The following CA10 variants were observed in gnomAD, a reference collection of about 807,000 sequenced individuals.
CA10 encodes carbonic anhydrase-related protein 10.
A neutral mutation model predicts 44.2 loss-of-function variants in CA10; 14 were observed. The observed-to-expected ratio is 0.32, with a 90% CI of 0.21 to 0.50. The LOEUF (loss-of-function observed/expected upper bound fraction) is 0.50, where lower values mean the gene tolerates loss of function less well. Ranked by LOEUF, CA10 falls within the 20% of genes least tolerant of loss-of-function variation. The probability of loss-of-function intolerance (pLI) is 0.99; values close to 1 mark genes in which losing one functional copy is unlikely to be tolerated. For missense variants in CA10, 350 were observed against 409.7 expected, an observed-to-expected ratio of 0.85 and a Z score of 1.26; for synonymous variants, 159 against 141.6, an observed-to-expected ratio of 1.12 and a Z score of -0.87.
chr17:52,103,886 T>C (rs1988597423), intron 1 of CA10, among the ~76,000 whole-genome samples: 5 of 152,316 alleles, frequency 3.3e-5, no homozygotes, highest in African/African-American at 1.2e-4. Flanking sequence ...ACACCTTAGA[T>C]GTTTCCACAT....
chr17:51,872,571 A>C (rs926484681), intron 3 of CA10, among the ~76,000 whole-genome samples: 1 of 152,228 alleles, frequency 6.6e-6, no homozygotes, highest in Non-Finnish European at 1.5e-5. Context: ...AATACATGTC[A>C]GAACTCCAAA....
intron 3 of CA10, among the ~76,000 whole-genome samples, chr17:51,892,776 T>C (rs1172259130): frequency 1.3e-5 from 2 of 152,174 alleles, no homozygotes; most frequent in Non-Finnish European, 2.9e-5. Context: ...TACTCCTTTC[T>C]TCCTGCTGGT....
chr17:52,017,416 G>C lies in CA10; in HGVS notation c.136+54903C>G, dbSNP rs1986002550. 3.3e-5 allele frequency among the ~76,000 whole-genome samples: 5 copies of C among 152,184 alleles called. No homozygotes were observed. In the South Asian group the frequency reaches 1.0e-3, roughly 32 times the overall value. ...TCATATGAAAATGAGGAAGTTATTGGGATCTGGAATAAAGTTTACCCATGT... is the reference window on the plus strand; with the variant it reads ...TCATATGAAAATGAGGAAGTTATTGCGATCTGGAATAAAGTTTACCCATGT... On this transcript the variant is annotated intron_variant, in intron 2 of 8. Transcript: ENST00000451037.
intron 3 of CA10, among the ~76,000 whole-genome samples, chr17:51,805,762 G>A (rs1446052512): frequency 6.6e-6 from 1 of 152,088 alleles, no homozygotes; most frequent in Non-Finnish European, 1.5e-5. Context: ...CCCATTTACA[G>A]TAACTCCCCA....
intron 4 of CA10, among the ~76,000 whole-genome samples, chr17:51,740,919 CT>C (rs1904433351): frequency 6.6e-6 from 1 of 152,170 alleles, no homozygotes; most frequent in Non-Finnish European, 1.5e-5. Flanking sequence ...TCTTGTTTTG[CT>C]CTAGTTCTCT....
intron 4 of CA10, among the ~76,000 whole-genome samples, chr17:51,665,353 T>G (rs1280446359): frequency 1.3e-5 from 2 of 152,214 alleles, no homozygotes; most frequent in Non-Finnish European, 2.9e-5. Flanking sequence ...ATGACAGCTC[T>G]GTCATTCAGT....
chr17:52,146,286 A>G (rs2143397415), intron 1 of CA10, among the ~76,000 whole-genome samples: 1 of 152,330 alleles, frequency 6.6e-6, no homozygotes, highest in Non-Finnish European at 1.5e-5. Context: ...CTGGCTGGGC[A>G]CTTTGGTTCA....
At chr17:51,978,781 C>A (rs1984550256) in intron 2 of CA10, among the ~76,000 whole-genome samples, 1 of 152,044 alleles carries the variant, frequency 6.6e-6, no homozygotes, top group South Asian at 2.1e-4. Flanking sequence ...CCAGCACCCA[C>A]CCCCACTTGT....
Position 51,836,061 on chromosome 17 carries a change from T to A in CA10, c.280-88243A>T, listed in dbSNP as rs562469286. Reference sequence around the variant, plus strand: ...AGAGAAGGAGGAACAGAAAAAAAAATTAAATAGGATGTAACAGATTTATAC... The same window carrying A: ...AGAGAAGGAGGAACAGAAAAAAAAAATAAATAGGATGTAACAGATTTATAC... On this transcript the variant is annotated intron_variant, in intron 3 of 8. Transcript: ENST00000451037. Among the ~76,000 whole-genome samples the A allele has an allele frequency of 1.6e-3, 240 of 152,072 alleles. 4 individuals carry two copies. The highest frequency in any genetic ancestry group is 5.6e-4 in the Non-Finnish European group (38 of 67,954).
chr17:52,052,922 T>G (rs1987118176), intron 2 of CA10, among the ~76,000 whole-genome samples: 1 of 151,818 alleles, frequency 6.6e-6, no homozygotes, highest in Admixed American at 6.6e-5. Context: ...TGTATGAGTA[T>G]GTGTGTGTGT....
At chr17:51,729,974 A>T (rs1916659406) in intron 4 of CA10, among the ~76,000 whole-genome samples, 1 of 152,210 alleles carries the variant, frequency 6.6e-6, no homozygotes, top group Non-Finnish European at 1.5e-5. Context: ...CAGATGAGTA[A>T]ACTGAGGCAG....
intron 3 of CA10, among the ~76,000 whole-genome samples, chr17:51,827,460 G>A (rs1043219881): frequency 6.6e-6 from 1 of 152,066 alleles, no homozygotes; most frequent in Non-Finnish European, 1.5e-5. Context: ...TAGAATTGAT[G>A]GAATATGATA....
intron 3 of CA10, among the ~76,000 whole-genome samples, chr17:51,854,866 A>C (rs9903912): frequency 0.21 from 31,232 of 152,090 alleles, 5,846 homozygotes; most frequent in African/African-American, 0.5. Context: ...CCAGTGCTTT[A>C]TCCAGCTCAG....
At chr17:51,756,028 T>G (rs1905065187) in intron 3 of CA10, among the ~76,000 whole-genome samples, 1 of 152,178 alleles carries the variant, frequency 6.6e-6, no homozygotes, top group African/African-American at 2.4e-5. Context: ...CCGGCATTCT[T>G]GCCTTTGAGA....
intron 2 of CA10, among the ~76,000 whole-genome samples, chr17:51,995,289 A>C (rs1175571698): frequency 1.3e-5 from 2 of 152,080 alleles, no homozygotes; most frequent in Non-Finnish European, 2.9e-5. Flanking sequence ...GATTATTAGA[A>C]AAATGTCATT....
chr17:51,774,305 T>C (rs191355530), intron 3 of CA10, among the ~76,000 whole-genome samples: 10 of 152,326 alleles, frequency 6.6e-5, no homozygotes, highest in African/African-American at 2.4e-4. Flanking sequence ...CAAAGGACTT[T>C]AGCACATTTT....
intron 4 of CA10, among the ~76,000 whole-genome samples, chr17:51,679,073 C>T (rs1378722507): frequency 2.0e-5 from 3 of 152,084 alleles, no homozygotes; most frequent in African/African-American, 4.8e-5. Flanking sequence ...AAAGAGTTTA[C>T]CATTTATTGG....
At chr17:51,815,449 G>A (rs969362056) in intron 3 of CA10, among the ~76,000 whole-genome samples, 7 of 152,138 alleles carry the variant, frequency 4.6e-5, no homozygotes, top group African/African-American at 1.7e-4. Context: ...CTGCCACATA[G>A]TTCTCCTCTA....
At chr17:51,975,611 A>G (rs769532704) in intron 2 of CA10, among the ~76,000 whole-genome samples, 1 of 152,208 alleles carries the variant, frequency 6.6e-6, no homozygotes, top group Non-Finnish European at 1.5e-5. Flanking sequence ...ACCCGGAGGC[A>G]GAGGTTGTGA....
Sources: gnomAD v4.1 joint callset for allele counts (sites outside exome capture counted in the v4.1 genomes callset) on GRCh38, gnomAD v4.1.1 for gene constraint, MANE v1.5 for transcripts, NCBI Gene and HGNC (gene_info 2026-07-23, HGNC 2026-07-21) for gene names.